HIBCH: variants seen among roughly 807,000 people sequenced by gnomAD.
HIBCH encodes 3-hydroxyisobutyryl-CoA hydrolase, also known as 3-hydroxyisobutyryl-CoA hydrolase, mitochondrial.
HIBCH carries 50 observed loss-of-function variants against 58.2 expected under a neutral mutation model. That is an observed-to-expected ratio of 0.86 (90% CI 0.68 to 1.09). The LOEUF (loss-of-function observed/expected upper bound fraction) is 1.09. Ranked by LOEUF, HIBCH falls within the 50% of genes least tolerant of loss-of-function variation. The probability of loss-of-function intolerance (pLI) is 0.00; values close to 1 mark genes in which losing one functional copy is unlikely to be tolerated. For synonymous variants in HIBCH, 151 were observed against 146.9 expected, an observed-to-expected ratio of 1.03 and a Z score of -0.20; for missense variants, 450 against 449.7, an observed-to-expected ratio of 1.00 and a Z score of -0.01.
At chr2:190,307,268 T>A (rs1358827617) in intron 2 of HIBCH, among the ~76,000 whole-genome samples, 2 of 152,160 alleles carry the variant, frequency 1.3e-5, no homozygotes, top group African/African-American at 4.8e-5. Flanking sequence ...ATACCCTCAA[T>A]ACTGAATACT....
chr2:190,197,205 A>G lies in HIBCH; in HGVS notation c.*18-7208T>C, dbSNP rs1018450963. On this transcript the variant is annotated intron_variant, in intron 1 of 1. Transcript: ENST00000399855. This position sits in a 1 kb window ranked among gnomAD's most constrained non-coding sequence, Gnocchi z 4.0. The stretch of plus-strand genomic sequence containing the variant: ...AGAAGCCACAAACATCCTAGCTCAC[A>G]AGCCTAAGTCATAGCCCTTTAAGAA... Among the ~76,000 whole-genome samples the G allele has an allele frequency of 2.6e-5, 4 of 152,312 alleles. No individual in the cohort carries two copies. Among genetic ancestry groups the G allele is most frequent in the Admixed American group, 2.6e-4 (4 of 15,306 alleles).
At chr2:190,248,379 A>G (rs1686670554) in intron 9 of HIBCH, among the ~76,000 whole-genome samples, 1 of 152,050 alleles carries the variant, frequency 6.6e-6, no homozygotes, top group Non-Finnish European at 1.5e-5. Context: ...GGTGGGATGC[A>G]GCGGTTCTGC....
At chr2:190,265,289 C>G (rs549943865) in intron 6 of HIBCH, among the ~76,000 whole-genome samples, 1 of 148,962 alleles carries the variant, frequency 6.7e-6, no homozygotes, top group Admixed American at 6.7e-5. Flanking sequence ...ACATTTTAGC[C>G]ATTCTAATGA....
intron 2 of HIBCH, among the ~76,000 whole-genome samples, chr2:190,299,821 C>T (rs1559060814): frequency 6.6e-6 from 1 of 152,140 alleles, no homozygotes; most frequent in South Asian, 2.1e-4. Context: ...CTCCTCCTAT[C>T]CTCGACTCTC....
chr2:190,233,081 T>C (rs1201342991), intron 11 of HIBCH, among the ~76,000 whole-genome samples: 1 of 152,140 alleles, frequency 6.6e-6, no homozygotes, highest in Admixed American at 6.5e-5. Flanking sequence ...CAGAGGGCAA[T>C]GAACCATTGC....
rs79657447 is a variant in HIBCH, at chr2:190,253,855, G to A, written c.518-1548C>T. 3.5e-3 allele frequency among the ~76,000 whole-genome samples: 528 copies of A among 151,992 alleles called. 7 individuals carry two copies. The highest frequency in any genetic ancestry group is 0.012 in the African/African-American group (484 of 41,450). On this transcript the variant is annotated intron_variant, in intron 7 of 13. Coordinates refer to ENST00000359678, the MANE Select transcript of HIBCH (RefSeq NM_014362.4). The stretch of plus-strand genomic sequence containing the variant: ...TCCCTAACATTCTACACTCATTCCT[G>A]CCCCAGAGCCTCAGCAGCATGCTGC...
intron 7 of HIBCH, among the ~76,000 whole-genome samples, chr2:190,259,364 T>TGTGC (rs1687022962): frequency 6.9e-6 from 1 of 144,376 alleles, no homozygotes; most frequent in African/African-American, 2.7e-5. Flanking sequence ...TGTGTGTGTG[T>TGTGC]GTGTCTGTCT....
In HIBCH at chr2:190,197,619, A is replaced by AC. The variant is rs1432530266; in HGVS notation, c.*17+7480dup. Among the ~76,000 whole-genome samples the AC allele has an allele frequency of 3.9e-5, 6 of 152,174 alleles. No homozygotes were observed. Among genetic ancestry groups the AC allele is most frequent in the Non-Finnish European group, 1.5e-5 (1 of 68,040 alleles). ...AACTCCCACGGTAATGCTGGGAGATACCCCCAGGTAGAATCCCACAATGAC... is the reference window on the plus strand; with the variant it reads ...AACTCCCACGGTAATGCTGGGAGATACCCCCCAGGTAGAATCCCACAATGAC... On this transcript the variant is annotated intron_variant, in intron 1 of 1. Transcript: ENST00000399855. This position sits in a 1 kb window ranked among gnomAD's most constrained non-coding sequence, Gnocchi z 4.0.
At chr2:190,230,201 T>C (rs1185374365) in intron 11 of HIBCH, among the ~76,000 whole-genome samples, 2 of 152,152 alleles carry the variant, frequency 1.3e-5, no homozygotes, top group Non-Finnish European at 2.9e-5. Context: ...TGAACTCTCT[T>C]TTCTACAACT....
chr2:190,224,178 G>C (rs956166653), intron 11 of HIBCH, among the ~76,000 whole-genome samples: 4 of 152,208 alleles, frequency 2.6e-5, no homozygotes, highest in East Asian at 3.8e-4. Flanking sequence ...GTCTGAGATC[G>C]AACTACAAGG....
chr2:190,297,012 C>T (rs1240508818), intron 2 of HIBCH, 59 bp from the exon 3 acceptor site: 167 of 1,479,648 alleles, frequency 1.1e-4, no homozygotes, highest in Non-Finnish European at 1.5e-4. Context: ...CACAAGCCAA[C>T]ATCAAAACAT....
intron 1 of HIBCH, among the ~76,000 whole-genome samples, chr2:190,312,271 G>A (rs1688579720): frequency 1.3e-5 from 2 of 152,266 alleles, no homozygotes; most frequent in South Asian, 4.2e-4. Context: ...AAAAGACATA[G>A]CTCTTGCACT....
At chr2:190,229,487 C>A (rs567855953) in intron 11 of HIBCH, among the ~76,000 whole-genome samples, 1 of 152,104 alleles carries the variant, frequency 6.6e-6, no homozygotes, top group Non-Finnish European at 1.5e-5. Flanking sequence ...ATTCAGAAAC[C>A]AAATTCACTA....
chr2:190,210,981 A>T lies in HIBCH; in HGVS notation c.1011+1975T>A, dbSNP rs960747846. 2.0e-5 allele frequency among the ~76,000 whole-genome samples: 3 copies of T among 152,028 alleles called. No homozygotes were observed. The highest frequency in any genetic ancestry group is 7.2e-5 in the African/African-American group (3 of 41,380). Reference sequence around the variant, plus strand: ...TTTATAATCATATAATATATATTTTATGTATTAATCTTGTTTACAGTCTAT... The same window carrying T: ...TTTATAATCATATAATATATATTTTTTGTATTAATCTTGTTTACAGTCTAT... On this transcript the variant is annotated intron_variant, in intron 12 of 13. Transcript: ENST00000359678. This position sits in a 1 kb window ranked among gnomAD's most constrained non-coding sequence, Gnocchi z 5.5.
At chr2:190,224,266 C>G (rs1575703982) in intron 11 of HIBCH, among the ~76,000 whole-genome samples, 1 of 152,186 alleles carries the variant, frequency 6.6e-6, no homozygotes, top group East Asian at 1.9e-4. Context: ...GAAGCTTGAA[C>G]TGGGTGGAGC....
chr2:190,236,056 T>C lies in HIBCH; in HGVS notation c.891+8831A>G, dbSNP rs1004068414. Among the ~76,000 whole-genome samples, 8 of 152,134 alleles carry C rather than the reference T, an allele frequency of 5.3e-5. No individual in the cohort carries two copies. The highest frequency in any genetic ancestry group is 4.6e-4 in the Admixed American group (7 of 15,260). The stretch of plus-strand genomic sequence containing the variant: ...AGGAGTTAATGGTGTGTGCTAGATA[T>C]CACTCAATAAAGCAAAAGGTAAGAG... On this transcript the variant is annotated intron_variant, in intron 11 of 13. Coordinates refer to ENST00000359678, the MANE Select transcript of HIBCH (RefSeq NM_014362.4). The surrounding 1 kb of genome is among the most constrained non-coding windows in gnomAD (Gnocchi z 4.1).
At chr2:190,310,644 G>T in intron 2 of HIBCH, 110 bp downstream of exon 2, 1 of 877,270 alleles carries the variant, frequency 1.1e-6, no homozygotes, top group Non-Finnish European at 2.0e-6. Flanking sequence ...GAACCATGAT[G>T]TACCTAAGGT....
chr2:190,251,601 T>A (rs1686772019), intron 8 of HIBCH: 1 of 430,700 alleles, frequency 2.3e-6, no homozygotes, highest in South Asian at 1.7e-5. Context: ...TAAGTTCCAA[T>A]TAAGACTTAA....
intron 11 of HIBCH, among the ~76,000 whole-genome samples, chr2:190,235,481 T>G (rs1340033919): frequency 1.3e-5 from 2 of 152,130 alleles, no homozygotes; most frequent in African/African-American, 4.8e-5. Flanking sequence ...TGTGAAAAAA[T>G]ATTGAGGTAT....
Sources: gnomAD v4.1 joint callset for allele counts (sites outside exome capture counted in the v4.1 genomes callset) on GRCh38, gnomAD v4.1.1 for gene constraint, Gnocchi (gnomAD v3.1) non-coding constraint, MANE v1.5 for transcripts, NCBI Gene and HGNC (gene_info 2026-07-23, HGNC 2026-07-21) for gene names.